Variants in TNIP1 observed in about 807,000 individuals in gnomAD.
TNIP1 encodes the protein TNFAIP3 interacting protein 1.
TNIP1 carries 22 observed loss-of-function variants against 86.6 expected under a neutral mutation model. The ratio of observed to expected loss-of-function variants is 0.25; its 90% CI spans 0.18 to 0.36. The LOEUF is 0.36. TNIP1 is among the 10% of genes least tolerant of loss of function. The pLI, the probability that TNIP1 is intolerant of heterozygous loss-of-function variation, is 1.00. For synonymous variants in TNIP1, 294 were observed against 313.0 expected, an observed-to-expected ratio of 0.94 and a Z score of 0.64; for missense variants, 709 against 820.6, an observed-to-expected ratio of 0.86 and a Z score of 1.66.
intron 7 of TNIP1, 59 bp from the exon 8 acceptor site, chr5:151,050,006 G>A (rs1464191113): frequency 1.9e-6 from 3 of 1,608,150 alleles, no homozygotes; most frequent in Non-Finnish European, 2.5e-6. Flanking sequence ...AAACCTACAG[G>A]GCTCCTTAAT....
chr5:151,070,040 ACTAGC>A (rs1762663840), intron 1 of TNIP1, among the ~76,000 whole-genome samples: 1 of 152,176 alleles, frequency 6.6e-6, no homozygotes, highest in Non-Finnish European at 1.5e-5. Flanking sequence ...CCTCACCTGC[ACTAGC>A]CTCAGCTCTG....
intron 1 of TNIP1, among the ~76,000 whole-genome samples, chr5:151,078,882 C>T (rs1473145371): frequency 6.6e-6 from 1 of 152,174 alleles, no homozygotes; most frequent in Non-Finnish European, 1.5e-5. Context: ...CCTCCTACAA[C>T]GCTGCCTCTC....
intron 1 of TNIP1, among the ~76,000 whole-genome samples, chr5:151,075,277 C>T (rs1038239577): frequency 6.6e-6 from 1 of 152,182 alleles, no homozygotes; most frequent in African/African-American, 2.4e-5. Context: ...ATGTAGGTGC[C>T]TGCGTGTTAC....
At position 151,063,517 on chromosome 5, in the gene TNIP1, G is replaced by T. The variant is rs548495191; in HGVS notation, c.271+96C>A. 12 of 1,523,562 alleles carry T rather than the reference G, an allele frequency of 7.9e-6. No homozygotes were observed. The Admixed American group carries it at 1.6e-4, about 21-fold the overall frequency. 94.4% of individuals were successfully genotyped at this position (1,523,562 alleles called of 1,614,324 possible). On this transcript the variant is annotated intron_variant, in intron 3 of 17. Coordinates refer to ENST00000521591, the MANE Select transcript of TNIP1 (RefSeq NM_006058.5). ...GCCTGTGACCTAAGGATAAACGAGA[G>T]AATGTGGGTTTTGGCATAAGAAGGG...
intron 11 of TNIP1, among the ~76,000 whole-genome samples, chr5:151,040,513 G>A (rs1030138678): frequency 9.2e-5 from 14 of 152,110 alleles, no homozygotes; most frequent in African/African-American, 9.7e-5. Context: ...ACAGGGCCAC[G>A]CCTTGTCATG....
chr5:151,056,761 C>A lies in TNIP1; in HGVS notation c.627+5G>T. 1 of 1,492,844 alleles carries A rather than the reference C, an allele frequency of 6.7e-7. No homozygotes were observed. Among genetic ancestry groups the A allele is most frequent in the Non-Finnish European group, 9.0e-7 (1 of 1,112,828 alleles). The allele number at this position is 1,492,844 out of a possible 1,614,324, so 92.5% of individuals were successfully genotyped here. A position where few individuals can be genotyped will look rare whatever the true frequency, so the allele number is the denominator to read the frequency against. Reference sequence around the variant, plus strand: ...GTCTCGGGCTGCCCTCCCCACGCGCCTCACCTGCAGAATGGAGGTGCGCTG... The same window carrying A: ...GTCTCGGGCTGCCCTCCCCACGCGCATCACCTGCAGAATGGAGGTGCGCTG... On this transcript the variant is annotated splice_donor_5th_base_variant and intron_variant, in intron 6 of 17. Coordinates refer to ENST00000521591, the MANE Select transcript of TNIP1 (RefSeq NM_006058.5).
chr5:151,077,352 C>G (rs1411252906), intron 1 of TNIP1, among the ~76,000 whole-genome samples: 2 of 152,188 alleles, frequency 1.3e-5, no homozygotes, highest in Non-Finnish European at 2.9e-5. Context: ...GCAAGTTATC[C>G]AGAGCACAGA....
chr5:151,049,371 T>C (rs1759602537), intron 8 of TNIP1, among the ~76,000 whole-genome samples: 2 of 152,068 alleles, frequency 1.3e-5, no homozygotes, highest in Admixed American at 6.5e-5. Context: ...CCCTCTCCAC[T>C]TTAGAGGCTC....
upstream of TNIP1, among the ~76,000 whole-genome samples, chr5:151,082,881 C>G (rs978144919): frequency 6.6e-6 from 1 of 152,202 alleles, no homozygotes; most frequent in Non-Finnish European, 1.5e-5. Flanking sequence ...GGTTTGTCTT[C>G]AGGACATTCC....
At chr5:151,032,452 G>C in intron 16 of TNIP1, 69 bp from the exon 17 acceptor site, 1 of 1,433,094 alleles carries the variant, frequency 7.0e-7, no homozygotes, top group Non-Finnish European at 9.7e-7. Context: ...TACTGTGCCA[G>C]GACAATACTA....
At chr5:151,052,125 C>T (rs1198234817) in intron 7 of TNIP1, 40 bp downstream of exon 7, 6 of 1,582,336 alleles carry the variant, frequency 3.8e-6, no homozygotes, top group Non-Finnish European at 5.2e-6. Flanking sequence ...CCTCCTGCAG[C>T]CCCCACTCCT....
intron 1 of TNIP1, among the ~76,000 whole-genome samples, chr5:151,069,116 C>T (rs368000625): frequency 7.2e-5 from 11 of 152,186 alleles, no homozygotes; most frequent in Admixed American, 5.2e-4. Context: ...CTGCTGAAAC[C>T]GAAGGAGCCA....
chr5:151,038,932 TC>T (rs1758047820), intron 12 of TNIP1, among the ~76,000 whole-genome samples, 164 bp downstream of exon 12: 1 of 152,018 alleles, frequency 6.6e-6, no homozygotes, highest in Non-Finnish European at 1.5e-5. Context: ...GCTGAGTCAC[TC>T]CCAGTGTGGG....
intron 5 of TNIP1, among the ~76,000 whole-genome samples, chr5:151,058,614 CCTCT>C (rs1422830174): frequency 6.6e-6 from 1 of 152,174 alleles, no homozygotes; most frequent in Non-Finnish European, 1.5e-5. Context: ...CTGCATGTGT[CCTCT>C]CTGTGTCCTC....
intron 6 of TNIP1, among the ~76,000 whole-genome samples, chr5:151,053,351 C>T (rs1397055528): frequency 6.6e-6 from 1 of 152,104 alleles, no homozygotes; most frequent in African/African-American, 2.4e-5. Context: ...CTCAAGTGAT[C>T]CACCTGCCTC....
chr5:151,052,538 GCTCC>G (rs1342459533), intron 6 of TNIP1, among the ~76,000 whole-genome samples: 6 of 152,122 alleles, frequency 3.9e-5, no homozygotes, highest in Non-Finnish European at 4.4e-5. Context: ...CTTCATCCCT[GCTCC>G]CACTGCCGGG....
At position 151,033,668 on chromosome 5, in the gene TNIP1, G is replaced by C. The variant is rs563081133; in HGVS notation, c.1719C>G (p.Pro573=). ...GFEDWSQIRY[P]PPPMAMEHPP... ...GGTGCTCCATGGCCATGGGGGGAGG[G>C]GGGTAGCGGATCTGGGACCAGTCCT... The change falls in exon 16 of 18, where the codon CCC becomes CCG. Residue 573 remains proline (P), a synonymous_variant. Transcript: ENST00000521591. 1.7e-5 allele frequency: 23 copies of C among 1,349,244 alleles called. No homozygotes were observed. Among genetic ancestry groups the C allele is most frequent in the Non-Finnish European group, 1.9e-5 (20 of 1,039,172 alleles). 83.6% of individuals were successfully genotyped at this position (1,349,244 alleles called of 1,614,324 possible). A position where few individuals can be genotyped will look rare whatever the true frequency, so the allele number is the denominator to read the frequency against.
intron 15 of TNIP1, 66 bp downstream of exon 15, chr5:151,034,936 A>T: frequency 1.3e-6 from 2 of 1,582,762 alleles, no homozygotes; most frequent in Non-Finnish European, 1.7e-6. Context: ...CTGTGCATCC[A>T]TCAGGCTAGC....
intron 14 of TNIP1, 96 bp downstream of exon 14, chr5:151,035,486 G>T (rs1757577036): frequency 1.3e-6 from 2 of 1,563,880 alleles, no homozygotes; most frequent in Non-Finnish European, 1.7e-6. Flanking sequence ...AAGCAGTGAG[G>T]GTCCTGACAT....
Sources: gnomAD v4.1 joint callset for allele counts (sites outside exome capture counted in the v4.1 genomes callset) on GRCh38, gnomAD v4.1.1 for gene constraint, MANE v1.5 for transcripts, NCBI Gene and HGNC (gene_info 2026-07-23, HGNC 2026-07-21) for gene names.